IL1RAPL2: variants seen among roughly 807,000 people sequenced by gnomAD.
IL1RAPL2 encodes interleukin 1 receptor accessory protein like 2.
In IL1RAPL2, 3 loss-of-function variants were observed where a neutral mutation model predicts 44.1. The ratio of observed to expected loss-of-function variants is 0.07; its 90% CI spans 0.03 to 0.18. IL1RAPL2 has a LOEUF of 0.18. IL1RAPL2 is among the 10% of genes least tolerant of loss of function. IL1RAPL2 has a pLI of 1.00. For synonymous variants in IL1RAPL2, 181 were observed against 178.8 expected (o/e 1.01, Z -0.10); for missense variants, 391 against 496.4 (o/e 0.79, Z 2.02).
chrX:104,738,876 G>A (rs926860769), intron 2 of IL1RAPL2, among the ~76,000 whole-genome samples: 5 of 112,129 alleles, frequency 4.5e-5, no homozygotes, highest in African/African-American at 1.6e-4. Flanking sequence ...GGAGTTTGAG[G>A]CTGCAGCGAG....
chrX:105,447,207 A>G (rs2035967610), intron 5 of IL1RAPL2, among the ~76,000 whole-genome samples: 1 of 14,933 alleles, frequency 6.7e-5, no homozygotes, highest in Non-Finnish European at 8.6e-5. Context: ...AAATATATAT[A>G]AATATATATA....
At chrX:105,294,929 C>T (rs765151178) in intron 5 of IL1RAPL2, among the ~76,000 whole-genome samples, 19 of 111,361 alleles carry the variant, frequency 1.7e-4, no homozygotes, top group African/African-American at 6.2e-4. Context: ...AGAGTGAAGC[C>T]AAGTAATTAG....
chrX:104,594,565 A>G (rs921186633), intron 1 of IL1RAPL2, among the ~76,000 whole-genome samples: 2 of 112,045 alleles, frequency 1.8e-5, no homozygotes, highest in African/African-American at 6.5e-5. Flanking sequence ...ATGTCAAATA[A>G]GACATATGTG....
intron 2 of IL1RAPL2, among the ~76,000 whole-genome samples, chrX:105,074,343 G>C (rs1371193345): frequency 2.1e-4 from 23 of 111,442 alleles, no homozygotes; most frequent in African/African-American, 7.2e-4. Context: ...TCAAAGATCA[G>C]ATGGTTGTAG....
chrX:105,149,920 TAAGA>T (rs2033211688), intron 2 of IL1RAPL2, among the ~76,000 whole-genome samples: 1 of 110,880 alleles, frequency 9.0e-6, no homozygotes, highest in Admixed American at 9.6e-5. Context: ...TTAATAATCA[TAAGA>T]AAGCAAGGTC....
intron 2 of IL1RAPL2, among the ~76,000 whole-genome samples, chrX:104,928,174 G>C (rs1264727016): frequency 9.0e-6 from 1 of 111,283 alleles, no homozygotes; most frequent in Non-Finnish European, 1.9e-5. Flanking sequence ...AGTGTAACTG[G>C]ATTGTTTAGT....
intron 2 of IL1RAPL2, among the ~76,000 whole-genome samples, chrX:105,189,013 A>AC (rs1414481694): frequency 1.3e-4 from 14 of 111,910 alleles, no homozygotes; most frequent in African/African-American, 4.2e-4. Context: ...TTTGAGGCAG[A>AC]CGGAGTCCAC....
intron 2 of IL1RAPL2, among the ~76,000 whole-genome samples, chrX:105,027,179 G>A (rs2031388235): frequency 9.0e-6 from 1 of 111,313 alleles, no homozygotes; most frequent in Admixed American, 9.6e-5. Flanking sequence ...AATCAAAATG[G>A]AATAAAGACT....
At chrX:104,885,980 C>A (rs1310686811) in intron 2 of IL1RAPL2, among the ~76,000 whole-genome samples, 1 of 112,616 alleles carries the variant, frequency 8.9e-6, no homozygotes, top group African/African-American at 3.2e-5. Context: ...ATGTCATCAC[C>A]CTCACTGAGG....
intron 5 of IL1RAPL2, among the ~76,000 whole-genome samples, chrX:105,426,350 C>T (rs1239055034): frequency 2.7e-5 from 3 of 110,801 alleles, no homozygotes; most frequent in African/African-American, 9.9e-5. Context: ...CTATATTCTA[C>T]CTACCTCAGG....
At chrX:104,701,195 C>G (rs1193799963) in intron 2 of IL1RAPL2, among the ~76,000 whole-genome samples, 3 of 111,988 alleles carry the variant, frequency 2.7e-5, no homozygotes, top group Non-Finnish European at 5.6e-5. Flanking sequence ...GGAATGAAGG[C>G]TTAGTGTGTG....
chrX:104,899,996 T>C (rs1288724954), intron 2 of IL1RAPL2, among the ~76,000 whole-genome samples: 1 of 112,026 alleles, frequency 8.9e-6, no homozygotes, highest in African/African-American at 3.2e-5. Flanking sequence ...GCATTATGGG[T>C]ACAGATTTTA....
chrX:105,682,196 A>C (rs1255217828), intron 6 of IL1RAPL2, among the ~76,000 whole-genome samples: 2 of 112,414 alleles, frequency 1.8e-5, no homozygotes, highest in African/African-American at 6.5e-5. Flanking sequence ...TTACATCTAA[A>C]TTATAAAAAT....
chrX:105,569,073 C>T (rs1231030689), intron 6 of IL1RAPL2, among the ~76,000 whole-genome samples: 2 of 111,540 alleles, frequency 1.8e-5, no homozygotes, highest in Non-Finnish European at 3.8e-5. Flanking sequence ...TGCCATTTTA[C>T]GAATGCCGTC....
chrX:104,785,752 G>T (rs1405514546), intron 2 of IL1RAPL2, among the ~76,000 whole-genome samples: 2 of 112,230 alleles, frequency 1.8e-5, no homozygotes, highest in Admixed American at 9.4e-5. Flanking sequence ...CAAAAGGAAA[G>T]ATGAATCTAA....
At chrX:105,749,321 T>G (rs2038577602) in intron 9 of IL1RAPL2, among the ~76,000 whole-genome samples, 2 of 112,209 alleles carry the variant, frequency 1.8e-5, no homozygotes, top group African/African-American at 6.5e-5. Context: ...GCTATGTATG[T>G]TTTTTGAAAT....
chrX:104,894,455 C>T (rs1435735603), intron 2 of IL1RAPL2, among the ~76,000 whole-genome samples: 1 of 111,582 alleles, frequency 9.0e-6, no homozygotes, highest in Non-Finnish European at 1.9e-5. Context: ...TCACGTAGTC[C>T]CATATTTCTT....
intron 2 of IL1RAPL2, among the ~76,000 whole-genome samples, chrX:104,755,597 T>TGAATG (rs760934220): frequency 9.0e-6 from 1 of 111,031 alleles, no homozygotes; most frequent in Non-Finnish European, 1.9e-5. Flanking sequence ...CTATGATCCA[T>TGAATG]GAATGACACA....
intron 2 of IL1RAPL2, among the ~76,000 whole-genome samples, chrX:104,870,189 A>G (rs982859669): frequency 8.9e-6 from 1 of 112,137 alleles, no homozygotes; most frequent in Non-Finnish European, 1.9e-5. Flanking sequence ...TAGTGCTTAC[A>G]GTGTGCCAGG....
Sources: allele counts gnomAD v4.1 joint callset (sites outside exome capture counted in the v4.1 genomes callset), GRCh38; gene constraint gnomAD v4.1.1; transcripts MANE v1.5; gene names NCBI Gene and HGNC (gene_info 2026-07-23, HGNC 2026-07-21).